Variants in KLF8 observed in about 807,000 individuals in gnomAD.
KLF8 encodes the protein KLF transcription factor 8.
Under a neutral mutation model 18.2 loss-of-function variants are expected in KLF8, and 10 were observed. The observed-to-expected ratio is 0.55, with a 90% CI of 0.34 to 0.93. The LOEUF (loss-of-function observed/expected upper bound fraction) is 0.93, where lower values mean the gene tolerates loss of function less well. KLF8 is among the 40% of genes least tolerant of loss of function. KLF8 has a pLI of 0.02. For synonymous variants in KLF8, 109 were observed against 97.3 expected (o/e 1.12, Z -0.71); for missense variants, 264 against 277.9 (o/e 0.95, Z 0.36).
intron 3 of KLF8, 85 bp from the exon 4 acceptor site, chrX:56,269,293 A>T: frequency 2.8e-6 from 3 of 1,058,493 alleles, no homozygotes; most frequent in Non-Finnish European, 3.7e-6. Flanking sequence ...GCCACTTCTT[A>T]AGGTGGGACA....
the KLF8 span, among the ~76,000 whole-genome samples, chrX:56,054,749 G>C: frequency 5.4e-5 from 6 of 111,633 alleles, no homozygotes; most frequent in Non-Finnish European, 1.1e-4. Context: ...CTAAGATCTT[G>C]CTTTACGGAT....
At chrX:56,009,147 C>T in the KLF8 span, among the ~76,000 whole-genome samples, 2 of 111,373 alleles carry the variant, frequency 1.8e-5, no homozygotes, top group African/African-American at 6.5e-5. Flanking sequence ...TCCCCTAGAT[C>T]ACCCCAAAAG....
chrX:56,244,145 G>A (rs1349310464), intron 1 of KLF8, among the ~76,000 whole-genome samples: 1 of 111,925 alleles, frequency 8.9e-6, no homozygotes, highest in East Asian at 2.8e-4. Context: ...TGGTGATTTG[G>A]TGGTAAGCAA....
chrX:56,141,257 A>G, the KLF8 span, among the ~76,000 whole-genome samples: 11 of 111,962 alleles, frequency 9.8e-5, no homozygotes, highest in Non-Finnish European at 1.9e-4. Context: ...GTGAGCCACC[A>G]TACCCGGCCA....
the KLF8 span, among the ~76,000 whole-genome samples, chrX:56,154,469 A>G: frequency 5.1e-4 from 57 of 112,081 alleles, no homozygotes; most frequent in African/African-American, 1.8e-3. Context: ...TGGATGAAAG[A>G]CTTAAATGTT....
chrX:56,152,978 G>A, the KLF8 span, among the ~76,000 whole-genome samples: 1 of 111,328 alleles, frequency 9.0e-6, no homozygotes, highest in Non-Finnish European at 1.9e-5. Flanking sequence ...AAACTTTTTG[G>A]TCTTAGAACC....
upstream of KLF8, among the ~76,000 whole-genome samples, chrX:56,228,041 T>G (rs776969238): frequency 8.9e-6 from 1 of 111,968 alleles, no homozygotes; most frequent in African/African-American, 3.2e-5. Flanking sequence ...CCTGGCCACA[T>G]GTTTCTGGCC....
At chrX:56,123,335 C>T in the KLF8 span, among the ~76,000 whole-genome samples, 12 of 101,226 alleles carry the variant, frequency 1.2e-4, no homozygotes, top group South Asian at 3.9e-4. Context: ...AGAAAGTTAC[C>T]GATCTTAGTA....
chrX:56,130,052 A>G, the KLF8 span, among the ~76,000 whole-genome samples: 2 of 110,049 alleles, frequency 1.8e-5, no homozygotes, highest in African/African-American at 6.6e-5. Flanking sequence ...GAGCTCAGAC[A>G]TGCCTAACCC....
the KLF8 span, among the ~76,000 whole-genome samples, chrX:56,071,276 T>C: frequency 8.9e-6 from 1 of 111,824 alleles, no homozygotes; most frequent in Admixed American, 9.5e-5. Context: ...AACTATTAAA[T>C]TTTTATCAGC....
At chrX:56,120,924 C>T in the KLF8 span, among the ~76,000 whole-genome samples, 1 of 111,295 alleles carries the variant, frequency 9.0e-6, no homozygotes, top group Non-Finnish European at 1.9e-5. Flanking sequence ...CAGTGGCTCA[C>T]GCCTGTAATC....
chrX:55,930,897 A>C, the KLF8 span, among the ~76,000 whole-genome samples: 2 of 112,071 alleles, frequency 1.8e-5, no homozygotes, highest in Admixed American at 9.5e-5. Flanking sequence ...TGCTGGCCTC[A>C]TAAAATGAGT....
the KLF8 span, among the ~76,000 whole-genome samples, chrX:56,020,773 C>T: frequency 1.5e-3 from 163 of 111,404 alleles, 1 homozygote; most frequent in African/African-American, 4.7e-3. Flanking sequence ...AAGTCAAAAC[C>T]ATTTTTAAAC....
the KLF8 span, among the ~76,000 whole-genome samples, chrX:55,942,699 T>C: frequency 9.0e-6 from 1 of 111,230 alleles, no homozygotes; most frequent in African/African-American, 3.3e-5. Flanking sequence ...TTAGGCCATC[T>C]TTAGGCTGGT....
chrX:56,101,075 C>T, the KLF8 span, among the ~76,000 whole-genome samples: 348 of 111,065 alleles, frequency 3.1e-3, no homozygotes, highest in African/African-American at 0.01. Flanking sequence ...ACCCATGTAG[C>T]GAGCATAGTA....
rs777810120 is a variant in KLF8 at position 56,246,943 on chromosome X, T to A, written c.8-3288T>A. 7.2e-5 allele frequency among the ~76,000 whole-genome samples: 8 copies of A among 111,543 alleles called. No individual in the cohort carries two copies. In the Admixed American group the frequency reaches 7.7e-4, roughly 11 times the overall value. ...GGGCCAGAGTTCAAGATTCTGATAA[T>A]CAACAATAATAATGGTGGTGATAAT... is the stretch of plus-strand genomic sequence containing the variant. On this transcript the variant is annotated intron_variant, in intron 1 of 5. Transcript: ENST00000468660.
chrX:56,097,397 A>G, the KLF8 span, among the ~76,000 whole-genome samples: 1 of 99,901 alleles, frequency 1.0e-5, no homozygotes, highest in Admixed American at 1.1e-4. Flanking sequence ...TGGCATGACT[A>G]TAGCTCACTG....
chrX:56,275,552 A>T (rs1167878029), intron 5 of KLF8, among the ~76,000 whole-genome samples: 2 of 111,388 alleles, frequency 1.8e-5, no homozygotes, highest in Non-Finnish European at 3.8e-5. Context: ...TAAAGGTGAA[A>T]TTGGGCCTCC....
chrX:55,945,271 T>C, the KLF8 span, among the ~76,000 whole-genome samples: 11 of 111,049 alleles, frequency 9.9e-5, no homozygotes, highest in East Asian at 3.1e-3. Flanking sequence ...AATTTTGGAA[T>C]AGGTGTGGTG....
Sources: allele counts gnomAD v4.1 joint callset (sites outside exome capture counted in the v4.1 genomes callset), GRCh38; gene constraint gnomAD v4.1.1; transcripts MANE v1.5; gene names NCBI Gene and HGNC (gene_info 2026-07-23, HGNC 2026-07-21).